Variants in CRISP1 observed in about 807,000 individuals in gnomAD.
The protein encoded by CRISP1 is cysteine rich secretory protein 1, also known as cysteine-rich secretory protein 1.
CRISP1 carries 44 observed loss-of-function variants against 33.1 expected under a neutral mutation model. The ratio of observed to expected loss-of-function variants is 1.33; its 90% CI spans 1.05 to 1.71. The LOEUF (loss-of-function observed/expected upper bound fraction) is 1.71, where lower values mean the gene tolerates loss of function less well. Among genes scored for constraint, CRISP1 ranks in the 40% most tolerant of loss-of-function variants. The pLI, the probability that CRISP1 is intolerant of heterozygous loss-of-function variation, is 0.00. For missense variants in CRISP1, 390 were observed against 301.2 expected (o/e 1.29, Z -2.18); for synonymous variants, 103 against 98.7 (o/e 1.04, Z -0.26).
At position 49,857,337 on chromosome 6, in the gene CRISP1, T is replaced by C. The variant is rs3204891; in HGVS notation, c.64A>G (p.Lys22Glu). Reference protein sequence around the residue: ...AACLLPMLSMKKKSARDQFNK... With the variant: ...AACLLPMLSMEKKSARDQFNK... ...TGAAACATCCAACCCTCACATACTT[T>C]CATGGACAACATAGGCAGTAAGCAA... is the stretch of plus-strand genomic sequence containing the variant. The change falls in exon 2 of 8, where the codon AAA (lysine) becomes GAA (glutamate). Residue 22 changes from lysine (K) to glutamate (E), a missense_variant and splice_region_variant. Lys to Glu is a moderately conservative substitution (Grantham distance 56, BLOSUM62 1). Transcript: ENST00000335847. 1.4e-5 allele frequency: 22 copies of C among 1,612,678 alleles called. No individual in the cohort carries two copies. Among genetic ancestry groups the C allele is most frequent in the Non-Finnish European group, 1.9e-5 (22 of 1,179,056 alleles).
At chr6:49,836,788 A>C (rs2127467821) in intron 7 of CRISP1, among the ~76,000 whole-genome samples, 1 of 152,334 alleles carries the variant, frequency 6.6e-6, no homozygotes, top group South Asian at 2.1e-4. Flanking sequence ...ATCAAGGTGC[A>C]ACAAGGAGAT....
chr6:49,854,066 A>T (rs138511212), intron 2 of CRISP1, among the ~76,000 whole-genome samples: 14 of 152,140 alleles, frequency 9.2e-5, no homozygotes, highest in African/African-American at 2.9e-4. Context: ...CCTTCTCTCA[A>T]CAGAATGTGA....
chr6:49,865,798 A>T (rs1196374502), intron 1 of CRISP1, among the ~76,000 whole-genome samples: 1 of 152,094 alleles, frequency 6.6e-6, no homozygotes, highest in Non-Finnish European at 1.5e-5. Context: ...GACCCTGGAG[A>T]CTTGAAACAA....
At position 49,835,429 on chromosome 6, in the gene CRISP1, A is replaced by G. The variant is rs1770755444; in HGVS notation, c.637T>C (p.Tyr213His). 1 of 1,613,552 alleles carries G rather than the reference A, an allele frequency of 6.2e-7. No homozygotes were observed. The highest frequency in any genetic ancestry group is 1.7e-5 in the Admixed American group (1 of 59,992). The change falls in exon 8 of 8, where the codon TAC becomes CAC. Residue 213 changes from tyrosine to histidine, a missense_variant. Physicochemically the swap from Tyr to His is moderately conservative, Grantham distance 83 (BLOSUM62 2). Transcript: ENST00000335847. ...TCACAGTCGAAGTATTCATCATAGT[A>G]GATGCAGGGGTTAGCTGAAAGAAAA... ...EDKLCTNPCIYYDEYFDCDIQ... is the reference protein window; with the variant it reads ...EDKLCTNPCIHYDEYFDCDIQ...
chr6:49,850,420 T>C (rs191944269), intron 3 of CRISP1, among the ~76,000 whole-genome samples: 12 of 152,278 alleles, frequency 7.9e-5, no homozygotes, highest in Admixed American at 7.2e-4. Flanking sequence ...AGTTTGTATT[T>C]ATGATCGTAC....
At chr6:49,872,549 C>A (rs1771949106) in intron 1 of CRISP1, among the ~76,000 whole-genome samples, 1 of 152,116 alleles carries the variant, frequency 6.6e-6, no homozygotes, top group South Asian at 2.1e-4. Context: ...ACATTTGAGT[C>A]TTTAATCCAT....
At chr6:49,875,268 C>A (rs1405845757) in intron 1 of CRISP1, among the ~76,000 whole-genome samples, 1 of 151,768 alleles carries the variant, frequency 6.6e-6, no homozygotes, top group African/African-American at 2.4e-5. Context: ...TATATACCAA[C>A]AAGAGGCAAG....
intron 3 of CRISP1, among the ~76,000 whole-genome samples, chr6:49,850,164 G>T (rs1223251586): frequency 6.6e-6 from 1 of 151,352 alleles, no homozygotes; most frequent in Non-Finnish European, 1.5e-5. Context: ...GAGTTAATGG[G>T]TGCAGCACAC....
At chr6:49,846,228 T>C (rs1185898882) in intron 5 of CRISP1, among the ~76,000 whole-genome samples, 1 of 152,170 alleles carries the variant, frequency 6.6e-6, no homozygotes, top group African/African-American at 2.4e-5. Context: ...TAAGGTACCA[T>C]TATTTTCACT....
chr6:49,845,302 A>T (rs2127471650), intron 5 of CRISP1, among the ~76,000 whole-genome samples: 1 of 152,178 alleles, frequency 6.6e-6, no homozygotes, highest in East Asian at 1.9e-4. Context: ...CCTCTTTTGC[A>T]CTGGGGAGAA....
At chr6:49,875,919 C>T (rs1027662873) in intron 1 of CRISP1, among the ~76,000 whole-genome samples, 7 of 151,742 alleles carry the variant, frequency 4.6e-5, no homozygotes, top group African/African-American at 7.3e-5. Context: ...AAGACTTAAA[C>T]GTCAAACCCC....
intron 2 of CRISP1, among the ~76,000 whole-genome samples, chr6:49,853,737 C>T (rs1489004627): frequency 6.6e-6 from 1 of 152,148 alleles, no homozygotes; most frequent in Non-Finnish European, 1.5e-5. Context: ...TCATCTCTAT[C>T]TGTGTTCTCT....
intron 7 of CRISP1, among the ~76,000 whole-genome samples, chr6:49,838,201 C>T (rs965387792): frequency 6.6e-6 from 1 of 152,124 alleles, no homozygotes; most frequent in Admixed American, 6.5e-5. Flanking sequence ...ATATTTTAAT[C>T]TGTTGGGTGG....
intron 1 of CRISP1, among the ~76,000 whole-genome samples, chr6:49,874,976 A>G (rs1279726380): frequency 2.0e-5 from 3 of 152,086 alleles, no homozygotes; most frequent in African/African-American, 4.8e-5. Flanking sequence ...AAAAGCTGGA[A>G]ACATTTTCCT....
intron 1 of CRISP1, among the ~76,000 whole-genome samples, chr6:49,876,459 A>AT (rs138720306): frequency 0.097 from 14,711 of 152,070 alleles, 989 homozygotes; most frequent in Non-Finnish European, 0.15. Context: ...TAGTTCAACA[A>AT]TGTGGAAGAC....
At chr6:49,871,381 C>T (rs563337553), upstream of CRISP1, among the ~76,000 whole-genome samples, 9 of 152,188 alleles carry the variant, frequency 5.9e-5, no homozygotes, top group South Asian at 1.9e-3. Context: ...AATGGTCACT[C>T]TACAGGGAAG....
chr6:49,836,906 T>A (rs76674305), intron 7 of CRISP1, among the ~76,000 whole-genome samples: 14,719 of 152,054 alleles, frequency 0.097, 989 homozygotes, highest in Non-Finnish European at 0.15. Context: ...TCATTTTTTT[T>A]AAAAAATCAA....
intron 3 of CRISP1, 78 bp downstream of exon 3, chr6:49,851,923 G>A: frequency 2.7e-6 from 4 of 1,470,226 alleles, no homozygotes; most frequent in Non-Finnish European, 3.6e-6. Context: ...CACTTTGAAA[G>A]TGCATAGAAC....
At chr6:49,847,651 T>G (rs1771222932) in intron 4 of CRISP1, among the ~76,000 whole-genome samples, 2 of 151,998 alleles carry the variant, frequency 1.3e-5, no homozygotes, top group Non-Finnish European at 2.9e-5. Context: ...CTCAGGTATT[T>G]CTTTACAGCA....
Sources: gnomAD v4.1 joint callset for allele counts (sites outside exome capture counted in the v4.1 genomes callset) on GRCh38, gnomAD v4.1.1 for gene constraint, MANE v1.5 for transcripts, NCBI Gene and HGNC (gene_info 2026-07-23, HGNC 2026-07-21) for gene names.